CCSER1: variants seen among roughly 807,000 people sequenced by gnomAD.
CCSER1 encodes the protein coiled-coil serine rich protein 1.
In CCSER1, 41 loss-of-function variants were observed where a neutral mutation model predicts 82.0. The ratio of observed to expected loss-of-function variants is 0.50; its 90% CI spans 0.39 to 0.65. The LOEUF (loss-of-function observed/expected upper bound fraction) is 0.65, where lower values mean the gene tolerates loss of function less well. Ranked by LOEUF, CCSER1 falls within the 30% of genes least tolerant of loss-of-function variation. The probability of loss-of-function intolerance (pLI) is 0.00; values close to 1 mark genes in which losing one functional copy is unlikely to be tolerated. For synonymous variants in CCSER1, 414 were observed against 383.9 expected (o/e 1.08, Z -0.92); for missense variants, 1,119 against 1,064.2 (o/e 1.05, Z -0.72).
intron 1 of CCSER1, among the ~76,000 whole-genome samples, chr4:90,279,255 G>T (rs1728470480): frequency 6.6e-6 from 1 of 151,896 alleles, no homozygotes; most frequent in African/African-American, 2.4e-5. Context: ...TATTCTGCTG[G>T]AGTCTTGCAT....
chr4:90,665,067 A>G (rs544044261), intron 6 of CCSER1, among the ~76,000 whole-genome samples: 1 of 152,232 alleles, frequency 6.6e-6, no homozygotes, highest in East Asian at 1.9e-4. Context: ...TTATTTTTCC[A>G]TTACTTTTGG....
intron 7 of CCSER1, among the ~76,000 whole-genome samples, chr4:90,772,721 T>C (rs1450409940): frequency 6.6e-6 from 1 of 152,190 alleles, no homozygotes; most frequent in African/African-American, 2.4e-5. Flanking sequence ...ACTTGTCTGT[T>C]AAAATTGATT....
chr4:90,920,303 T>C (rs1433388587), intron 8 of CCSER1, among the ~76,000 whole-genome samples: 2 of 152,022 alleles, frequency 1.3e-5, no homozygotes, highest in Non-Finnish European at 2.9e-5. Flanking sequence ...TTATGGTCTT[T>C]AATTATAAAA....
chr4:90,826,319 G>A (rs1347127915), intron 8 of CCSER1, among the ~76,000 whole-genome samples: 1 of 152,114 alleles, frequency 6.6e-6, no homozygotes, highest in Non-Finnish European at 1.5e-5. Flanking sequence ...TTAACTGTAT[G>A]TATATAAATA....
chr4:90,987,289 A>C (rs1736653467), intron 9 of CCSER1, among the ~76,000 whole-genome samples: 1 of 151,162 alleles, frequency 6.6e-6, no homozygotes, highest in Admixed American at 6.6e-5. Flanking sequence ...CTCTTTACCC[A>C]TAGCCCTTCC....
chr4:90,420,180 T>C (rs1756463170), intron 4 of CCSER1, among the ~76,000 whole-genome samples: 1 of 151,994 alleles, frequency 6.6e-6, no homozygotes, highest in African/African-American at 2.4e-5. Context: ...GCTCGACCAA[T>C]TTACAAATTG....
chr4:91,152,542 T>C (rs1730338327), intron 10 of CCSER1, among the ~76,000 whole-genome samples: 2 of 152,252 alleles, frequency 1.3e-5, no homozygotes, highest in South Asian at 4.1e-4. Flanking sequence ...TTGTTATGTG[T>C]GAATTTGATC....
At chr4:91,214,479 T>A (rs555612960) in intron 10 of CCSER1, among the ~76,000 whole-genome samples, 10 of 152,346 alleles carry the variant, frequency 6.6e-5, no homozygotes, top group Admixed American at 4.6e-4. Flanking sequence ...TGTTATATTA[T>A]CTTGATATTC....
intron 10 of CCSER1, among the ~76,000 whole-genome samples, chr4:91,161,446 A>C (rs1731389412): frequency 6.6e-6 from 1 of 152,242 alleles, no homozygotes; most frequent in African/African-American, 2.4e-5. Context: ...GAGGAAAGTC[A>C]TTGGTAGCTT....
intron 9 of CCSER1, among the ~76,000 whole-genome samples, chr4:91,060,415 A>G (rs1299271270): frequency 6.6e-6 from 1 of 152,082 alleles, no homozygotes; most frequent in Non-Finnish European, 1.5e-5. Context: ...GGGTAATTTA[A>G]TGAGCAATAT....
intron 10 of CCSER1, among the ~76,000 whole-genome samples, chr4:91,320,983 T>G (rs1328510936): frequency 1.3e-5 from 2 of 152,092 alleles, no homozygotes; most frequent in African/African-American, 4.8e-5. Flanking sequence ...TAATTCAGTT[T>G]GAAATTTTAA....
chr4:90,468,420 A>G (rs557625663), intron 5 of CCSER1, 66 bp downstream of exon 5: 72 of 1,401,210 alleles, frequency 5.1e-5, no homozygotes, highest in Non-Finnish European at 6.5e-5. Flanking sequence ...AGAAAATGTG[A>G]TTTATAATAA....
chr4:90,973,458 G>T (rs1735311069), intron 9 of CCSER1, among the ~76,000 whole-genome samples: 1 of 151,736 alleles, frequency 6.6e-6, no homozygotes, highest in South Asian at 2.1e-4. Context: ...TAAGTACAAT[G>T]AGTTATCACT....
At chr4:90,376,445 G>A (rs923710245) in intron 3 of CCSER1, among the ~76,000 whole-genome samples, 9 of 152,192 alleles carry the variant, frequency 5.9e-5, no homozygotes, top group Non-Finnish European at 1.2e-4. Flanking sequence ...AGCTGAGCCT[G>A]TGTGATTTCT....
At chr4:91,255,970 T>A (rs1241635843) in intron 10 of CCSER1, among the ~76,000 whole-genome samples, 1 of 152,170 alleles carries the variant, frequency 6.6e-6, no homozygotes, top group Non-Finnish European at 1.5e-5. Context: ...ATAACAGAGA[T>A]GTTCAGGGAA....
chr4:91,040,498 C>T (rs1209984278), intron 9 of CCSER1, among the ~76,000 whole-genome samples: 1 of 152,102 alleles, frequency 6.6e-6, no homozygotes, highest in Non-Finnish European at 1.5e-5. Flanking sequence ...TATCCTAAAT[C>T]ATATTGAAAA....
intron 6 of CCSER1, among the ~76,000 whole-genome samples, chr4:90,668,477 A>G (rs1056124775): frequency 6.6e-6 from 1 of 152,172 alleles, no homozygotes; most frequent in Admixed American, 6.6e-5. Context: ...TTACATGCTC[A>G]TTTTTATGCT....
intron 10 of CCSER1, among the ~76,000 whole-genome samples, chr4:91,596,272 C>G (rs1764573435): frequency 6.6e-6 from 1 of 151,922 alleles, no homozygotes; most frequent in Non-Finnish European, 1.5e-5. Flanking sequence ...AATATTCCCT[C>G]AAAGGTAATA....
At chr4:91,028,301 CTG>C (rs1740671204) in intron 9 of CCSER1, among the ~76,000 whole-genome samples, 1 of 151,896 alleles carries the variant, frequency 6.6e-6, no homozygotes, top group Non-Finnish European at 1.5e-5. Flanking sequence ...ATAAAATATA[CTG>C]CCCTTATATA....
Sources: allele counts gnomAD v4.1 joint callset (sites outside exome capture counted in the v4.1 genomes callset), GRCh38; gene constraint gnomAD v4.1.1; transcripts MANE v1.5; gene names NCBI Gene and HGNC (gene_info 2026-07-23, HGNC 2026-07-21).